Variants in IGSF11 observed in about 807,000 individuals in gnomAD.
IGSF11 encodes the protein CXADR like 1.
A neutral mutation model predicts 41.0 loss-of-function variants in IGSF11; 22 were observed. The observed-to-expected ratio is 0.54, with a 90% CI of 0.38 to 0.77. The LOEUF is 0.77. Ranked by LOEUF, IGSF11 falls within the 30% of genes least tolerant of loss-of-function variation. The pLI is 0.00. For missense variants in IGSF11, 444 were observed against 530.8 expected, an observed-to-expected ratio of 0.84 and a Z score of 1.61; for synonymous variants, 219 against 201.3, an observed-to-expected ratio of 1.09 and a Z score of -0.74.
chr3:118,989,870 A>G (rs1321418794), intron 1 of IGSF11, among the ~76,000 whole-genome samples: 1 of 152,236 alleles, frequency 6.6e-6, no homozygotes, highest in Non-Finnish European at 1.5e-5. Flanking sequence ...AGATGAAAAG[A>G]AATGGCCTTT....
intron 1 of IGSF11, among the ~76,000 whole-genome samples, chr3:119,089,815 G>A (rs183820315): frequency 6.6e-6 from 1 of 152,210 alleles, no homozygotes; most frequent in Non-Finnish European, 1.5e-5. Context: ...AGCTGAGATT[G>A]AGAGTTCGAG....
At chr3:119,113,223 C>T (rs2077207913) in intron 1 of IGSF11, among the ~76,000 whole-genome samples, 1 of 152,118 alleles carries the variant, frequency 6.6e-6, no homozygotes, top group African/African-American at 2.4e-5. Context: ...TTTTCTTCTC[C>T]CATTTCATAA....
chr3:119,132,916 T>C (rs2077504672), intron 1 of IGSF11, among the ~76,000 whole-genome samples: 2 of 152,110 alleles, frequency 1.3e-5, no homozygotes, highest in South Asian at 4.1e-4. Flanking sequence ...AGAAACTCAC[T>C]CAAAACCACA....
chr3:119,041,357 G>A (rs1048095903), intron 1 of IGSF11, among the ~76,000 whole-genome samples: 2 of 152,156 alleles, frequency 1.3e-5, no homozygotes, highest in African/African-American at 4.8e-5. Flanking sequence ...CAAGGCAGGT[G>A]GATCACCTGA....
At chr3:119,127,640 A>G (rs903554821) in intron 1 of IGSF11, among the ~76,000 whole-genome samples, 10 of 152,214 alleles carry the variant, frequency 6.6e-5, no homozygotes, top group Non-Finnish European at 1.2e-4. Flanking sequence ...AAAACTGTTA[A>G]GGGCAGCCAG....
rs532434819 is a variant in IGSF11, at chr3:119,000,636, G to A, written c.52+33895C>T. ...ACTTCTCTTTCATCATTATTAATCT[G>A]TGTCATACCATCATCATTTCTCATC... is the stretch of plus-strand genomic sequence containing the variant. On this transcript the variant is annotated intron_variant, in intron 1 of 6. Transcript: ENST00000393775. Among the ~76,000 whole-genome samples, 96 of 150,522 alleles carry A rather than the reference G, an allele frequency of 6.4e-4. No individual in the cohort carries two copies. In the South Asian group the frequency reaches 0.01, roughly 16 times the overall value.
chr3:118,951,878 T>G (rs1002372883), intron 1 of IGSF11, among the ~76,000 whole-genome samples: 1 of 152,160 alleles, frequency 6.6e-6, no homozygotes, highest in African/African-American at 2.4e-5. Context: ...TTTTTAAAAT[T>G]TTTTCCCAAA....
intron 4 of IGSF11, among the ~76,000 whole-genome samples, chr3:118,925,686 C>G (rs1262632187): frequency 6.6e-6 from 1 of 152,118 alleles, no homozygotes; most frequent in Non-Finnish European, 1.5e-5. Flanking sequence ...CCTCCTCTAA[C>G]CAGATTTGAG....
chr3:118,920,907 T>A (rs1043691767), intron 4 of IGSF11, among the ~76,000 whole-genome samples: 3 of 152,186 alleles, frequency 2.0e-5, no homozygotes, highest in African/African-American at 7.2e-5. Context: ...TCCACCTTGC[T>A]GGCTGCACTC....
intron 1 of IGSF11, among the ~76,000 whole-genome samples, chr3:119,040,731 T>C (rs1326032909): frequency 1.3e-5 from 2 of 152,208 alleles, no homozygotes; most frequent in African/African-American, 4.8e-5. Flanking sequence ...ATGACACATG[T>C]AGATACTGAA....
At chr3:119,091,997 G>C (rs958932702) in intron 1 of IGSF11, among the ~76,000 whole-genome samples, 7 of 146,544 alleles carry the variant, frequency 4.8e-5, no homozygotes, top group South Asian at 2.3e-4. Flanking sequence ...TTTTTTTGGG[G>C]GGGGGGGGTT....
intron 1 of IGSF11, among the ~76,000 whole-genome samples, chr3:119,008,106 G>A (rs753967857): frequency 6.6e-6 from 1 of 152,008 alleles, no homozygotes; most frequent in Non-Finnish European, 1.5e-5. Context: ...TGACTCTTGA[G>A]GGTTGAAATC....
At chr3:119,011,324 T>C (rs551227836) in intron 1 of IGSF11, among the ~76,000 whole-genome samples, 1 of 151,870 alleles carries the variant, frequency 6.6e-6, no homozygotes, top group Non-Finnish European at 1.5e-5. Flanking sequence ...AGCCCCCGGA[T>C]AGTGAGGGAA....
chr3:119,011,327 T>G (rs749135392), intron 1 of IGSF11, among the ~76,000 whole-genome samples: 1 of 151,922 alleles, frequency 6.6e-6, no homozygotes, highest in Non-Finnish European at 1.5e-5. Flanking sequence ...CCCCGGATAG[T>G]GAGGGAAAAC....
chr3:118,994,673 A>G (rs1373363023), intron 1 of IGSF11, among the ~76,000 whole-genome samples: 1 of 152,218 alleles, frequency 6.6e-6, no homozygotes, highest in Non-Finnish European at 1.5e-5. Flanking sequence ...AGAAGAGGAA[A>G]ATAGTGGGCC....
rs1257543847 is a variant in IGSF11 at position 119,003,882 on chromosome 3, T to C, written c.52+30649A>G. Among the ~76,000 whole-genome samples, 4 of 148,956 alleles carry C rather than the reference T, an allele frequency of 2.7e-5. No homozygotes were observed. The East Asian group carries it at 7.9e-4, about 29-fold the overall frequency. ...CAGTTTGCCAGTATTTTATTGAGGA[T>C]TTTTGCATCGATATTCATCAAGGAT... On this transcript the variant is annotated intron_variant, in intron 1 of 6. Coordinates refer to ENST00000393775, the MANE Select transcript of IGSF11 (RefSeq NM_001015887.3).
intron 1 of IGSF11, among the ~76,000 whole-genome samples, chr3:119,068,916 C>CTTTTTT (rs66923529): frequency 8.8e-6 from 1 of 114,134 alleles, no homozygotes; most frequent in Non-Finnish European, 1.7e-5. Flanking sequence ...TGGTTATTTT[C>CTTTTTT]TTTTTTTTTT....
In IGSF11 at chr3:118,901,552, A is replaced by AAT. The variant is rs1938858631; in HGVS notation, c.*966_*967dup. 6.6e-6 allele frequency: 1 copy of AAT among 152,154 alleles called. No individual in the cohort carries two copies. Among genetic ancestry groups the AAT allele is most frequent in the Admixed American group, 6.5e-5 (1 of 15,268 alleles). The allele number at this position is 152,154 out of a possible 1,614,324, so 9.4% of individuals were successfully genotyped here. On this transcript the variant is annotated 3_prime_UTR_variant, in exon 7 of 7. Coordinates refer to ENST00000393775, the MANE Select transcript of IGSF11 (RefSeq NM_001015887.3). ...GCCCTCATTAATAGTAACCTACTGT[A>AAT]ATAGCAAGGGAGATCTGAACAACCT...
At chr3:119,113,125 AC>A (rs775049987) in intron 1 of IGSF11, among the ~76,000 whole-genome samples, 13 of 152,218 alleles carry the variant, frequency 8.5e-5, no homozygotes, top group Non-Finnish European at 1.9e-4. Context: ...ACCTCCTCTA[AC>A]ACTGGGGATT....
Sources: gnomAD v4.1 joint callset for allele counts (sites outside exome capture counted in the v4.1 genomes callset) on GRCh38, gnomAD v4.1.1 for gene constraint, MANE v1.5 for transcripts, NCBI Gene and HGNC (gene_info 2026-07-23, HGNC 2026-07-21) for gene names.